The following CRYBG1 variants were observed in gnomAD, a reference collection of about 807,000 sequenced individuals.
CRYBG1 encodes crystallin beta-gamma domain containing 1, also known as beta/gamma crystallin domain-containing protein 1.
In CRYBG1, 139 loss-of-function variants were observed where a neutral mutation model predicts 189.2. That is an observed-to-expected ratio of 0.73 (90% CI 0.64 to 0.85). The LOEUF is 0.85. CRYBG1 is among the 40% of genes least tolerant of loss of function. The pLI, the probability that CRYBG1 is intolerant of heterozygous loss-of-function variation, is 0.00. For missense variants in CRYBG1, 2,611 were observed against 2,675.8 expected (o/e 0.98, Z 0.53); for synonymous variants, 1,023 against 1,017.1 (o/e 1.01, Z -0.11).
chr6:106,525,092 A>T, intron 4 of CRYBG1, 41 bp from the exon 5 acceptor site: 1 of 1,603,032 alleles, frequency 6.2e-7, no homozygotes, highest in Non-Finnish European at 8.5e-7. Context: ...CGTTATGTGA[A>T]GTTGTAATTA....
intron 4 of CRYBG1, among the ~76,000 whole-genome samples, chr6:106,522,339 A>T (rs1395783965): frequency 6.9e-6 from 1 of 145,008 alleles, no homozygotes; most frequent in Non-Finnish European, 1.6e-5. Flanking sequence ...ATTAGTTTTC[A>T]TTAGGGAAAT....
intron 1 of CRYBG1, among the ~76,000 whole-genome samples, chr6:106,402,975 G>A (rs533379043): frequency 9.8e-5 from 15 of 152,320 alleles, no homozygotes; most frequent in African/African-American, 2.6e-4. Context: ...TCTCAGGACC[G>A]TCTCATGTAT....
chr6:106,541,942 C>T (rs181238395), intron 10 of CRYBG1, among the ~76,000 whole-genome samples: 33 of 152,198 alleles, frequency 2.2e-4, no homozygotes, highest in Admixed American at 2.0e-3. Context: ...TTGCTGCTTG[C>T]CAATTAGCCA....
intron 3 of CRYBG1, among the ~76,000 whole-genome samples, chr6:106,518,648 A>G (rs904153566): frequency 6.6e-6 from 1 of 152,198 alleles, no homozygotes; most frequent in Non-Finnish European, 1.5e-5. Context: ...AGGACTATTT[A>G]AAAATAGTTT....
intron 1 of CRYBG1, among the ~76,000 whole-genome samples, chr6:106,427,200 C>T (rs1365463777): frequency 2.6e-5 from 4 of 152,208 alleles, no homozygotes; most frequent in African/African-American, 9.7e-5. Flanking sequence ...TCTGACTCCA[C>T]GTTTATATCC....
Position 106,444,981 on chromosome 6 carries a change from A to AAAACAAAC in CRYBG1, c.174-6703_174-6696dup, listed in dbSNP as rs75128545. Among the ~76,000 whole-genome samples the AAAACAAAC allele has an allele frequency of 9.8e-4, 148 of 151,646 alleles. 1 individual carries two copies. Among genetic ancestry groups the AAAACAAAC allele is most frequent in the African/African-American group, 3.3e-3 (135 of 41,308 alleles). Reference sequence around the variant, plus strand: ...AGACCCCGTCTTTACAAAAACCAACAAAACAAACAAACAAACAGACAAACA... The same window carrying AAAACAAAC: ...AGACCCCGTCTTTACAAAAACCAACAAAACAAACAAACAAACAAACAAACAGACAAACA... On this transcript the variant is annotated intron_variant, in intron 1 of 21. Coordinates refer to ENST00000633556, the MANE Select transcript of CRYBG1 (RefSeq NM_001371242.2).
chr6:106,485,498 T>C (rs559880932), intron 2 of CRYBG1, among the ~76,000 whole-genome samples: 4 of 152,342 alleles, frequency 2.6e-5, no homozygotes, highest in African/African-American at 4.8e-5. Context: ...TTTCTTTCTC[T>C]TGTCTAATTG....
Position 106,527,473 on chromosome 6 carries a change from A to G in CRYBG1, c.4578+3A>G, listed in dbSNP as rs1204896705. ...GTTCCATCAGACATGTGGTTCAGGT[A>G]GGTTGTGGTAAATATGGATTTTATT... On this transcript the variant is annotated splice_donor_region_variant and intron_variant, in intron 7 of 21. Transcript: ENST00000633556. The G allele has an allele frequency of 4.4e-6, 7 of 1,604,622 alleles. No homozygotes were observed. In the Admixed American group the frequency reaches 1.0e-4, roughly 24 times the overall value.
intron 9 of CRYBG1, chr6:106,541,377 A>C (rs1419576115): frequency 1.5e-6 from 1 of 678,688 alleles, no homozygotes; most frequent in Non-Finnish European, 2.7e-6. Context: ...ATCAGCTTAT[A>C]GACTGCTTGT....
intron 1 of CRYBG1, among the ~76,000 whole-genome samples, chr6:106,391,807 C>A (rs570312920): frequency 6.6e-6 from 1 of 152,238 alleles, no homozygotes; most frequent in African/African-American, 2.4e-5. Flanking sequence ...CAGAGCTCCC[C>A]TCAGCTCTGC....
chr6:106,387,501 C>G (rs1415781872), intron 1 of CRYBG1, among the ~76,000 whole-genome samples: 1 of 152,178 alleles, frequency 6.6e-6, no homozygotes, highest in Non-Finnish European at 1.5e-5. Flanking sequence ...CTGTCACCTC[C>G]CTGTCTCTTT....
chr6:106,473,636 C>T (rs1420414325), intron 2 of CRYBG1, among the ~76,000 whole-genome samples: 1 of 152,106 alleles, frequency 6.6e-6, no homozygotes, highest in Non-Finnish European at 1.5e-5. Flanking sequence ...TATTCTGTGC[C>T]CCAGGGATGT....
chr6:106,543,877 C>G (rs938904407), intron 11 of CRYBG1, among the ~76,000 whole-genome samples: 1 of 152,172 alleles, frequency 6.6e-6, no homozygotes, highest in African/African-American at 2.4e-5. Flanking sequence ...CATGGGGAAA[C>G]CCCATGTCTA....
At position 106,549,744 on chromosome 6, in the gene CRYBG1, G is replaced by A. The variant is rs561958331; in HGVS notation, c.5313-2108G>A. On this transcript the variant is annotated intron_variant, in intron 13 of 21. Coordinates refer to ENST00000633556, the MANE Select transcript of CRYBG1 (RefSeq NM_001371242.2). ...GATGGCTGGGAGTGAGTGCACAGATGTTGGCTGTTATTAGCTACTTCTCAC... is the reference window on the plus strand; with the variant it reads ...GATGGCTGGGAGTGAGTGCACAGATATTGGCTGTTATTAGCTACTTCTCAC... Among the ~76,000 whole-genome samples the A allele has an allele frequency of 1.0e-3, 157 of 152,278 alleles. 1 individual carries two copies. The highest frequency in any genetic ancestry group is 3.7e-3 in the African/African-American group (154 of 41,550).
intron 2 of CRYBG1, among the ~76,000 whole-genome samples, chr6:106,488,110 C>A (rs910396577): frequency 6.6e-6 from 1 of 152,160 alleles, no homozygotes; most frequent in African/African-American, 2.4e-5. Context: ...AGCTCAGTGT[C>A]CCAGACTGCA....
intron 2 of CRYBG1, among the ~76,000 whole-genome samples, chr6:106,483,034 T>TACCTTACTGTTAACATC (rs1489998142): frequency 6.6e-6 from 1 of 152,150 alleles, no homozygotes; most frequent in Non-Finnish European, 1.5e-5. Flanking sequence ...TAATATACAG[T>TACCTTACTGTTAACATC]ACCTTACTGT....
intron 1 of CRYBG1, among the ~76,000 whole-genome samples, chr6:106,382,978 G>T (rs1770314996): frequency 6.6e-6 from 1 of 152,090 alleles, no homozygotes; most frequent in African/African-American, 2.4e-5. Flanking sequence ...ATCTAAGTAG[G>T]GCTAATGGGA....
At chr6:106,567,988 A>G (rs902026342) in intron 21 of CRYBG1, among the ~76,000 whole-genome samples, 2 of 149,116 alleles carry the variant, frequency 1.3e-5, no homozygotes, top group African/African-American at 5.0e-5. Flanking sequence ...GCCCGTTTTC[A>G]TTGTTCATGC....
intron 1 of CRYBG1, among the ~76,000 whole-genome samples, chr6:106,450,745 T>G (rs1330021802): frequency 6.6e-6 from 1 of 152,262 alleles, no homozygotes; most frequent in Non-Finnish European, 1.5e-5. Context: ...ATTCATCACA[T>G]GCAGGCATGA....
Sources: gnomAD v4.1 joint callset for allele counts (sites outside exome capture counted in the v4.1 genomes callset) on GRCh38, gnomAD v4.1.1 for gene constraint, MANE v1.5 for transcripts, NCBI Gene and HGNC (gene_info 2026-07-23, HGNC 2026-07-21) for gene names.